Variants in ATP10A observed in about 807,000 individuals in gnomAD.
ATP10A encodes phospholipid-transporting ATPase VA.
A neutral mutation model predicts 147.8 loss-of-function variants in ATP10A; 111 were observed. That is an observed-to-expected ratio of 0.75 (90% CI 0.64 to 0.88). The LOEUF is 0.88. ATP10A is among the 40% of genes least tolerant of loss of function. ATP10A has a pLI of 0.00. For missense variants in ATP10A, 1,927 were observed against 1,959.0 expected (o/e 0.98, Z 0.31); for synonymous variants, 875 against 841.6 (o/e 1.04, Z -0.69).
intron 3 of ATP10A, among the ~76,000 whole-genome samples, chr15:25,730,630 A>G (rs114276954): frequency 0.017 from 2,557 of 152,280 alleles, 64 homozygotes; most frequent in African/African-American, 0.059. Flanking sequence ...ATCTATATGA[A>G]TCAGGGTGTT....
chr15:25,786,172 A>G (rs1409294624), intron 1 of ATP10A, among the ~76,000 whole-genome samples: 2 of 152,186 alleles, frequency 1.3e-5, no homozygotes, highest in African/African-American at 4.8e-5. Flanking sequence ...GAGAGGTGCC[A>G]CGCCAGCACA....
At chr15:25,789,591 T>A (rs866173136) in intron 1 of ATP10A, among the ~76,000 whole-genome samples, 5 of 151,248 alleles carry the variant, frequency 3.3e-5, no homozygotes, top group South Asian at 2.1e-4. Flanking sequence ...TGTGTGTGTG[T>A]GACAGAGACA....
intron 1 of ATP10A, among the ~76,000 whole-genome samples, chr15:25,845,516 T>C (rs1892983906): frequency 6.6e-6 from 1 of 151,832 alleles, no homozygotes; most frequent in Non-Finnish European, 1.5e-5. Flanking sequence ...AGTGTCAAGG[T>C]TGAGAGAAAG....
At chr15:25,793,801 G>A (rs972965998) in intron 1 of ATP10A, among the ~76,000 whole-genome samples, 1 of 152,168 alleles carries the variant, frequency 6.6e-6, no homozygotes, top group African/African-American at 2.4e-5. Flanking sequence ...GCATCCAGTC[G>A]CCTTTGCATG....
intron 1 of ATP10A, among the ~76,000 whole-genome samples, chr15:25,802,887 C>T (rs568388982): frequency 6.6e-6 from 1 of 152,292 alleles, no homozygotes; most frequent in East Asian, 1.9e-4. Flanking sequence ...TCCGAGGATT[C>T]GGATGTACAC....
chr15:25,714,523 T>G (rs1400649907), intron 9 of ATP10A, among the ~76,000 whole-genome samples: 3 of 152,156 alleles, frequency 2.0e-5, no homozygotes, highest in Non-Finnish European at 4.4e-5. Flanking sequence ...ACAGTACTCC[T>G]TCCTTGAGAT....
chr15:25,777,396 A>T lies in ATP10A; in HGVS notation c.654+3623T>A, dbSNP rs569100275. On this transcript the variant is annotated intron_variant, in intron 2 of 20. Coordinates refer to ENST00000555815, the MANE Select transcript of ATP10A (RefSeq NM_024490.4). ...CATCTAGCAAGTTCTTATGCTTGGC[A>T]CCTCCCTGGCAATAGCCTCCCCGGT... Among the ~76,000 whole-genome samples, 7 of 151,348 alleles carry T rather than the reference A, an allele frequency of 4.6e-5. No individual in the cohort carries two copies. In the South Asian group the frequency reaches 1.5e-3, roughly 32 times the overall value.
intron 16 of ATP10A, among the ~76,000 whole-genome samples, chr15:25,685,372 G>A (rs1333428285): frequency 6.6e-6 from 1 of 152,178 alleles, no homozygotes; most frequent in African/African-American, 2.4e-5. Flanking sequence ...ATCGCAGCAG[G>A]CAGGAGGCTG....
chr15:25,705,858 C>T (rs1900974719), intron 12 of ATP10A, among the ~76,000 whole-genome samples: 1 of 152,214 alleles, frequency 6.6e-6, no homozygotes, highest in Non-Finnish European at 1.5e-5. Context: ...TGAGCTCTGC[C>T]AGGAGGCGTG....
intron 2 of ATP10A, among the ~76,000 whole-genome samples, chr15:25,753,332 C>A (rs932163009): frequency 2.6e-5 from 4 of 151,754 alleles, no homozygotes; most frequent in African/African-American, 9.7e-5. Context: ...TAAGTGAGTA[C>A]ATGAGATACT....
intron 1 of ATP10A, among the ~76,000 whole-genome samples, chr15:25,859,657 T>C (rs1893668638): frequency 6.6e-6 from 1 of 151,592 alleles, no homozygotes; most frequent in Non-Finnish European, 1.5e-5. Context: ...TGAAATCCAT[T>C]AGGAGAAAAT....
intron 1 of ATP10A, among the ~76,000 whole-genome samples, chr15:25,790,094 T>C (rs1391093082): frequency 6.6e-6 from 1 of 152,186 alleles, no homozygotes; most frequent in African/African-American, 2.4e-5. Context: ...GAGCCAAGTA[T>C]GTTGCATAAC....
intron 2 of ATP10A, among the ~76,000 whole-genome samples, chr15:25,764,230 C>G (rs1360085504): frequency 6.6e-6 from 1 of 152,136 alleles, no homozygotes; most frequent in African/African-American, 2.4e-5. Flanking sequence ...ATGAGGAATC[C>G]TGGGCAAAGA....
At chr15:25,829,793 G>A (rs4906789) in intron 1 of ATP10A, among the ~76,000 whole-genome samples, 138,697 of 152,108 alleles carry the variant, frequency 0.91, 64,199 homozygotes, top group Non-Finnish European at 0.99. Context: ...GATGGGAGGC[G>A]GAGAGTGAGG....
intron 1 of ATP10A, among the ~76,000 whole-genome samples, chr15:25,803,848 C>G (rs1891047990): frequency 6.6e-6 from 1 of 152,252 alleles, no homozygotes; most frequent in African/African-American, 2.4e-5. Context: ...CTCCCAGGCA[C>G]AGACTCCCAT....
intron 1 of ATP10A, among the ~76,000 whole-genome samples, chr15:25,802,459 G>A (rs1890982757): frequency 6.6e-6 from 1 of 152,148 alleles, no homozygotes; most frequent in African/African-American, 2.4e-5. Flanking sequence ...CGCTTCCTGG[G>A]GCTGCAGTAA....
At chr15:25,726,949 C>A (rs1343829025) in intron 4 of ATP10A, among the ~76,000 whole-genome samples, 1 of 148,892 alleles carries the variant, frequency 6.7e-6, no homozygotes, top group African/African-American at 2.5e-5. Flanking sequence ...CCCAGCTACT[C>A]GGGAGGCTGA....
At chr15:25,742,173 G>T (rs1177575808) in intron 2 of ATP10A, among the ~76,000 whole-genome samples, 1 of 152,248 alleles carries the variant, frequency 6.6e-6, no homozygotes, top group African/African-American at 2.4e-5. Context: ...CTGCGTCCCT[G>T]CCTGACGTGG....
At chr15:25,687,586 T>C (rs1899763380) in intron 16 of ATP10A, 117 bp downstream of exon 16, 1 of 517,154 alleles carries the variant, frequency 1.9e-6, no homozygotes, top group African/African-American at 2.1e-5. Context: ...CGAAGGAGGA[T>C]GGAGCAGGTT....
Sources: gnomAD v4.1 joint callset for allele counts (sites outside exome capture counted in the v4.1 genomes callset) on GRCh38, gnomAD v4.1.1 for gene constraint, MANE v1.5 for transcripts, NCBI Gene and HGNC (gene_info 2026-07-23, HGNC 2026-07-21) for gene names.